C12orf56: variants seen among roughly 807,000 people sequenced by gnomAD.
The protein encoded by C12orf56 is chromosome 12 open reading frame 56.
In C12orf56, 71 loss-of-function variants were observed where a neutral mutation model predicts 69.9. That is an observed-to-expected ratio of 1.02 (90% CI 0.84 to 1.24). The LOEUF is 1.24. Among genes scored for constraint, C12orf56 ranks in the 50% most tolerant of loss-of-function variants. The probability of loss-of-function intolerance (pLI) is 0.00; values close to 1 mark genes in which losing one functional copy is unlikely to be tolerated. For missense variants in C12orf56, 732 were observed against 738.5 expected, an observed-to-expected ratio of 0.99 and a Z score of 0.10; for synonymous variants, 276 against 274.1, an observed-to-expected ratio of 1.01 and a Z score of -0.07.
chr12:64,328,729 A>C (rs1290199598), intron 3 of C12orf56, among the ~76,000 whole-genome samples: 8 of 125,672 alleles, frequency 6.4e-5, no homozygotes, highest in Non-Finnish European at 1.3e-4. Flanking sequence ...ATATATATAT[A>C]TATATATAGT....
Position 64,352,996 on chromosome 12 carries a change from T to TA in C12orf56, c.312dup (p.Ile105TyrfsTer13). 6.2e-7 allele frequency: 1 copy of TA among 1,612,812 alleles called. No individual in the cohort carries two copies. Among genetic ancestry groups the TA allele is most frequent in the South Asian group, 1.1e-5 (1 of 90,710 alleles). ...TTCAAAACGGTTGAAGAATAGATGA[T>TA]ACGAATGTGTTGGCTGATTTCTCTA... is the stretch of plus-strand genomic sequence containing the variant. On this transcript the variant is annotated frameshift_variant, in exon 2 of 13. Transcript: ENST00000543942. LOFTEE classifies it high-confidence loss of function.
chr12:64,327,635 A>G (rs751916445), intron 3 of C12orf56, among the ~76,000 whole-genome samples: 13 of 152,196 alleles, frequency 8.5e-5, no homozygotes, highest in Admixed American at 2.0e-4. Context: ...TGCCAGTAGC[A>G]CCCCTTGAGA....
At position 64,267,096 on chromosome 12, in the gene C12orf56, CA is replaced by C; in HGVS notation, c.*86del. On this transcript the variant is annotated 3_prime_UTR_variant, in exon 13 of 13. Transcript: ENST00000543942. Reference sequence around the variant, plus strand: ...GACTCAGAGATAGCCAGATATTAAACAAATAAAAAAATGTTTCTCGTGAATA... The same window carrying C: ...GACTCAGAGATAGCCAGATATTAAACAATAAAAAAATGTTTCTCGTGAATA... 9.9e-7 allele frequency: 1 copy of C among 1,011,008 alleles called. No individual in the cohort carries two copies. Among genetic ancestry groups the C allele is most frequent in the Non-Finnish European group, 1.4e-6 (1 of 695,208 alleles). 62.6% of individuals were successfully genotyped at this position (1,011,008 alleles called of 1,614,324 possible). A position where few individuals can be genotyped will look rare whatever the true frequency, so the allele number is the denominator to read the frequency against.
intron 1 of C12orf56, chr12:64,388,994 A>T (rs1209175975): frequency 7.5e-6 from 1 of 133,596 alleles, no homozygotes. Flanking sequence ...GTAGAAAAAA[A>T]ATCTTTTTTT....
intron 2 of C12orf56, among the ~76,000 whole-genome samples, chr12:64,343,947 G>C (rs2039108036): frequency 6.6e-6 from 1 of 152,132 alleles, no homozygotes; most frequent in African/African-American, 2.4e-5. Context: ...TGGCACTGGG[G>C]AAATGACCAC....
intron 4 of C12orf56, among the ~76,000 whole-genome samples, chr12:64,318,115 G>A (rs1167959981): frequency 6.6e-6 from 1 of 151,990 alleles, no homozygotes; most frequent in Non-Finnish European, 1.5e-5. Context: ...GGAGTGCAGT[G>A]GTGCAATCTC....
chr12:64,316,401 C>T (rs2038691748), intron 4 of C12orf56, among the ~76,000 whole-genome samples: 1 of 151,998 alleles, frequency 6.6e-6, no homozygotes, highest in African/African-American at 2.4e-5. Flanking sequence ...CCTGGCCTTA[C>T]TTTTTATTTT....
chr12:64,300,776 C>T (rs935945740), intron 6 of C12orf56, among the ~76,000 whole-genome samples: 2 of 152,336 alleles, frequency 1.3e-5, no homozygotes, highest in African/African-American at 4.8e-5. Context: ...ATCACTCTCA[C>T]CTTTGGGCAC....
chr12:64,284,865 A>C lies in C12orf56; in HGVS notation c.1221-112T>G, dbSNP rs1051275799. ...CTGCTTCCAGATATCCATACAGAAA[A>C]AAGTACAGGAAATAAATTTTGTACA... On this transcript the variant is annotated intron_variant, in intron 7 of 12. Transcript: ENST00000543942. 6 of 710,650 alleles carry C rather than the reference A, an allele frequency of 8.4e-6. No homozygotes were observed. In the African/African-American group the frequency reaches 1.1e-4, roughly 13 times the overall value. 44.0% of individuals were successfully genotyped at this position (710,650 alleles called of 1,614,324 possible).
chr12:64,355,372 C>T (rs2039297071), intron 1 of C12orf56, among the ~76,000 whole-genome samples: 1 of 151,880 alleles, frequency 6.6e-6, no homozygotes, highest in Admixed American at 6.6e-5. Context: ...GAATTTGTAC[C>T]TGAAATCACC....
At chr12:64,384,806 C>T (rs540677784) in intron 1 of C12orf56, among the ~76,000 whole-genome samples, 5 of 152,288 alleles carry the variant, frequency 3.3e-5, no homozygotes, top group African/African-American at 9.6e-5. Context: ...GTAATCCCAG[C>T]ACTTTGGGAG....
chr12:64,310,720 TTTA>T (rs980504129), intron 5 of C12orf56, among the ~76,000 whole-genome samples: 5 of 123,434 alleles, frequency 4.1e-5, no homozygotes, highest in South Asian at 2.6e-4. Flanking sequence ...TTCTTCTTTC[TTTA>T]TTTTTTTTTA....
chr12:64,302,262 A>G (rs551394112), intron 6 of C12orf56, among the ~76,000 whole-genome samples: 6 of 152,160 alleles, frequency 3.9e-5, no homozygotes, highest in African/African-American at 1.2e-4. Flanking sequence ...CATCATCCTT[A>G]CCTGAGTCTC....
intron 3 of C12orf56, among the ~76,000 whole-genome samples, chr12:64,320,160 C>T (rs1041273260): frequency 7.2e-5 from 11 of 152,236 alleles, no homozygotes; most frequent in African/African-American, 1.4e-4. Flanking sequence ...CTGGGTTACG[C>T]GGTTCTCTTC....
At chr12:64,338,408 G>A (rs2039026135) in intron 2 of C12orf56, 2 of 736,464 alleles carry the variant, frequency 2.7e-6, no homozygotes, top group Admixed American at 3.5e-5. Context: ...ATCGTTTTTG[G>A]TGGCAACTTT....
In C12orf56 at chr12:64,345,851, T is replaced by C. The variant is rs550863050; in HGVS notation, c.415+7043A>G. Among the ~76,000 whole-genome samples the C allele has an allele frequency of 5.9e-5, 9 of 152,344 alleles. 1 individual carries two copies. In the East Asian group the frequency reaches 1.7e-3, roughly 29 times the overall value. On this transcript the variant is annotated intron_variant, in intron 2 of 12. Transcript: ENST00000543942. ...AGTATGCATAGAGTCACTAAACTCC[T>C]TGTCTCTCATGAGCGATGAATCAAG...
At chr12:64,333,690 C>T (rs1042197440) in intron 2 of C12orf56, among the ~76,000 whole-genome samples, 5 of 151,942 alleles carry the variant, frequency 3.3e-5, no homozygotes, top group South Asian at 2.1e-4. Flanking sequence ...TTAGTAGAGA[C>T]GGGGTTTCAC....
rs543670465 is a variant in C12orf56, at chr12:64,364,317, A to T, written c.253-11261T>A. On this transcript the variant is annotated intron_variant, in intron 1 of 12. Transcript: ENST00000543942. ...AAACAAACAAAAACTTCTTAAATTT[A>T]AAAAAAAAAGTGTTTTTGCATGTCT... Among the ~76,000 whole-genome samples, 565 of 149,410 alleles carry T rather than the reference A, an allele frequency of 3.8e-3. 5 individuals carry two copies. The highest frequency in any genetic ancestry group is 0.013 in the African/African-American group (542 of 40,470).
chr12:64,365,049 A>G (rs1032263071), intron 1 of C12orf56, among the ~76,000 whole-genome samples: 3 of 152,148 alleles, frequency 2.0e-5, no homozygotes, highest in African/African-American at 7.2e-5. Flanking sequence ...ACAATGTCAC[A>G]TAGAATATAA....
Sources: allele counts gnomAD v4.1 joint callset (sites outside exome capture counted in the v4.1 genomes callset), GRCh38; gene constraint gnomAD v4.1.1; transcripts MANE v1.5; gene names NCBI Gene and HGNC (gene_info 2026-07-23, HGNC 2026-07-21).